RNF13: variants seen among roughly 807,000 people sequenced by gnomAD.
RNF13 encodes the protein ring finger protein 13.
In RNF13, 19 loss-of-function variants were observed where a neutral mutation model predicts 37.7. That is an observed-to-expected ratio of 0.50 (90% CI 0.35 to 0.74). RNF13 has a LOEUF of 0.74. Ranked by LOEUF, RNF13 falls within the 30% of genes least tolerant of loss-of-function variation. The pLI, the probability that RNF13 is intolerant of heterozygous loss-of-function variation, is 0.01. For missense variants in RNF13, 375 were observed against 453.0 expected (o/e 0.83, Z 1.56); for synonymous variants, 144 against 157.8 (o/e 0.91, Z 0.65).
rs1712131595 is a variant in RNF13 at position 149,872,063 on chromosome 3, G to C, written c.230G>C (p.Cys77Ser). 6.2e-7 allele frequency: 1 copy of C among 1,607,678 alleles called. No homozygotes were observed. The highest frequency in any genetic ancestry group is 1.3e-5 in the African/African-American group (1 of 74,666). The change falls in exon 4 of 10, where the codon TGT (cysteine) becomes TCT (serine). Residue 77 changes from cysteine to serine, a missense_variant. Transcript: ENST00000392894. ...ATTAACTCAAAACCAGAGAATGCCTGTGAACCCATAGTGCCTCCACCAGTA... is the reference window on the plus strand; with the variant it reads ...ATTAACTCAAAACCAGAGAATGCCTCTGAACCCATAGTGCCTCCACCAGTA... Reference protein sequence around the residue: ...FLINSKPENACEPIVPPPVKD... With the variant: ...FLINSKPENASEPIVPPPVKD...
At chr3:149,818,300 A>C (rs1309524373) in intron 1 of RNF13, among the ~76,000 whole-genome samples, 1 of 152,208 alleles carries the variant, frequency 6.6e-6, no homozygotes, top group Non-Finnish European at 1.5e-5. Flanking sequence ...ATAGACGGTA[A>C]TTAGATTTTT....
chr3:149,907,586 T>C (rs1364992155), intron 6 of RNF13, among the ~76,000 whole-genome samples: 1 of 152,182 alleles, frequency 6.6e-6, no homozygotes, highest in African/African-American at 2.4e-5. Flanking sequence ...AATCCTGGCT[T>C]CCATCACTTG....
chr3:149,884,899 TC>T (rs1317172601), intron 4 of RNF13, among the ~76,000 whole-genome samples: 10 of 151,548 alleles, frequency 6.6e-5, no homozygotes, highest in East Asian at 1.9e-4. Flanking sequence ...CATCCCCATC[TC>T]CCCCCACTAC....
chr3:149,896,959 A>G (rs956880907), intron 5 of RNF13, among the ~76,000 whole-genome samples: 2 of 152,220 alleles, frequency 1.3e-5, no homozygotes, highest in African/African-American at 4.8e-5. Context: ...GCATTTCAGG[A>G]ATAGTTTGAC....
At chr3:149,835,049 A>G (rs908532022) in intron 1 of RNF13, among the ~76,000 whole-genome samples, 1 of 152,156 alleles carries the variant, frequency 6.6e-6, no homozygotes, top group Non-Finnish European at 1.5e-5. Context: ...TAAACATAAG[A>G]GCTACTATGT....
intron 3 of RNF13, among the ~76,000 whole-genome samples, chr3:149,854,408 A>G (rs1393150045): frequency 6.6e-6 from 1 of 152,176 alleles, no homozygotes; most frequent in Non-Finnish European, 1.5e-5. Context: ...TTTTCTGAAC[A>G]TGTAATGCTT....
At chr3:149,824,812 C>G (rs975626834) in intron 1 of RNF13, among the ~76,000 whole-genome samples, 7 of 139,154 alleles carry the variant, frequency 5.0e-5, no homozygotes, top group East Asian at 4.2e-4. Context: ...AGGTCATCCT[C>G]TTTTTTTTTT....
intron 3 of RNF13, among the ~76,000 whole-genome samples, chr3:149,864,751 A>C (rs1262728704): frequency 6.6e-6 from 1 of 152,218 alleles, no homozygotes; most frequent in East Asian, 1.9e-4. Context: ...ATTGTTATTG[A>C]GAACTAAATT....
At chr3:149,954,052 ATAACAG>A (rs1284490937) in intron 8 of RNF13, among the ~76,000 whole-genome samples, 3 of 152,240 alleles carry the variant, frequency 2.0e-5, no homozygotes, top group East Asian at 1.9e-4. Context: ...TGAAATTTCA[ATAACAG>A]TAAGTTTGAG....
At chr3:149,861,997 T>G (rs188909562) in intron 3 of RNF13, among the ~76,000 whole-genome samples, 125 of 152,226 alleles carry the variant, frequency 8.2e-4, no homozygotes, top group African/African-American at 2.8e-3. Flanking sequence ...GATGTTTGGG[T>G]ACAACTGTGT....
chr3:149,829,396 G>A (rs934990770), intron 1 of RNF13, among the ~76,000 whole-genome samples: 5 of 152,026 alleles, frequency 3.3e-5, no homozygotes, highest in Admixed American at 2.0e-4. Context: ...CACTGCGCCC[G>A]GCCAGAAAAA....
chr3:149,860,302 A>T (rs760485328), intron 3 of RNF13, among the ~76,000 whole-genome samples: 1 of 140,162 alleles, frequency 7.1e-6, no homozygotes, highest in Non-Finnish European at 1.5e-5. Flanking sequence ...TATATATATA[A>T]CGTGTATATA....
chr3:149,832,482 G>A (rs1168392261), intron 1 of RNF13, among the ~76,000 whole-genome samples: 3 of 152,264 alleles, frequency 2.0e-5, no homozygotes, highest in Non-Finnish European at 4.4e-5. Flanking sequence ...TCAGTGACCA[G>A]CATTAGACAA....
chr3:149,909,152 T>C (rs572657754), intron 6 of RNF13, among the ~76,000 whole-genome samples: 4 of 152,278 alleles, frequency 2.6e-5, no homozygotes, highest in African/African-American at 9.6e-5. Flanking sequence ...GGACTGAAAT[T>C]CCATTGTAGT....
At chr3:149,877,091 T>C (rs2108451839) in intron 4 of RNF13, among the ~76,000 whole-genome samples, 1 of 152,274 alleles carries the variant, frequency 6.6e-6, no homozygotes, top group South Asian at 2.1e-4. Context: ...GTATCTTTTA[T>C]ATACTATTTA....
At chr3:149,888,790 C>A (rs961089683) in intron 4 of RNF13, among the ~76,000 whole-genome samples, 2 of 152,118 alleles carry the variant, frequency 1.3e-5, no homozygotes, top group African/African-American at 4.8e-5. Flanking sequence ...CACATGTCTG[C>A]TTATTTGCAA....
At position 149,833,044 on chromosome 3, in the gene RNF13, G is replaced by A. The variant is rs62268802; in HGVS notation, c.-16-12967G>A. ...ATTCTAAGGGGCCAAAATTACCCTGGTACCAAAGTCAGACAAGGATACTAA... is the reference window on the plus strand; with the variant it reads ...ATTCTAAGGGGCCAAAATTACCCTGATACCAAAGTCAGACAAGGATACTAA... On this transcript the variant is annotated intron_variant, in intron 1 of 9. Coordinates refer to ENST00000392894, the MANE Select transcript of RNF13 (RefSeq NM_183381.3). Among the ~76,000 whole-genome samples, 4 of 151,378 alleles carry A rather than the reference G, an allele frequency of 2.6e-5. No homozygotes were observed. The East Asian group carries it at 7.7e-4, about 29-fold the overall frequency.
At chr3:149,887,001 T>C (rs1422086126) in intron 4 of RNF13, among the ~76,000 whole-genome samples, 1 of 152,208 alleles carries the variant, frequency 6.6e-6, no homozygotes, top group Non-Finnish European at 1.5e-5. Flanking sequence ...TTAATTTCAT[T>C]CCACTATGAT....
chr3:149,940,505 T>C (rs1258174845), intron 8 of RNF13, among the ~76,000 whole-genome samples: 1 of 152,178 alleles, frequency 6.6e-6, no homozygotes, highest in African/African-American at 2.4e-5. Context: ...CTTTTACTTA[T>C]TTCTCCTCCA....
Sources: allele counts gnomAD v4.1 joint callset (sites outside exome capture counted in the v4.1 genomes callset), GRCh38; gene constraint gnomAD v4.1.1; transcripts MANE v1.5; gene names NCBI Gene and HGNC (gene_info 2026-07-23, HGNC 2026-07-21).